ZNF554: variants seen among roughly 807,000 people sequenced by gnomAD.
The protein encoded by ZNF554 is zinc finger protein 554.
In ZNF554, 15 loss-of-function variants were observed where a neutral mutation model predicts 21.2. The ratio of observed to expected loss-of-function variants is 0.71; its 90% CI spans 0.47 to 1.09. The LOEUF (loss-of-function observed/expected upper bound fraction) is 1.09, where lower values mean the gene tolerates loss of function less well. ZNF554 is among the 50% of genes least tolerant of loss of function. The probability of loss-of-function intolerance (pLI) is 0.00; values close to 1 mark genes in which losing one functional copy is unlikely to be tolerated. For synonymous variants in ZNF554, 258 were observed against 251.4 expected (o/e 1.03, Z -0.25); for missense variants, 691 against 662.7 (o/e 1.04, Z -0.47).
In ZNF554 at chr19:2,825,804, G is replaced by A. The variant is rs78343127; in HGVS notation, c.127-1813G>A. Among the ~76,000 whole-genome samples, 854 of 152,222 alleles carry A rather than the reference G, an allele frequency of 5.6e-3. 6 individuals carry two copies. The highest frequency in any genetic ancestry group is 0.017 in the African/African-American group (687 of 41,534). ...GCATAAGACAGGGGTGGACTGAAGC[G>A]AGTCCATACAGGGCCCTTAAGGCTG... On this transcript the variant is annotated intron_variant, in intron 2 of 4. Coordinates refer to ENST00000317243, the MANE Select transcript of ZNF554 (RefSeq NM_001102651.2).
rs1454873957 is a variant in ZNF554, at chr19:2,821,936, T to G, written c.54-1104T>G. Among the ~76,000 whole-genome samples the G allele has an allele frequency of 6.6e-6, 1 of 152,146 alleles. No homozygotes were observed. The highest frequency in any genetic ancestry group is 2.4e-5 in the African/African-American group (1 of 41,424). On this transcript the variant is annotated intron_variant, in intron 1 of 4. Transcript: ENST00000317243. This position sits in a 1 kb window ranked among gnomAD's most constrained non-coding sequence, Gnocchi z 8.2. Reference sequence around the variant, plus strand: ...CCTTGGCCTTTCAAAATGCTGGGATTACAGACGTGAGTCACCTAGTCCAGC... The same window carrying G: ...CCTTGGCCTTTCAAAATGCTGGGATGACAGACGTGAGTCACCTAGTCCAGC...
In ZNF554 at chr19:2,832,502, T is replaced by A. The variant is rs1369431709; in HGVS notation, c.445+8T>A. 6.3e-7 allele frequency: 1 copy of A among 1,588,190 alleles called. No individual in the cohort carries two copies. Among genetic ancestry groups the A allele is most frequent in the Admixed American group, 1.9e-5 (1 of 53,308 alleles). ...CTCAAGCCTCCTGTTCAGGTGAGAA[T>A]CAGGCAGATAGAAACCATTGGGATG... On this transcript the variant is annotated splice_region_variant and intron_variant, in intron 4 of 4. Transcript: ENST00000317243.
At chr19:2,820,684 C>CTTTTTTTTCTTT (rs2087250572) in intron 1 of ZNF554, among the ~76,000 whole-genome samples, 1 of 103,192 alleles carries the variant, frequency 9.7e-6, no homozygotes, top group African/African-American at 3.8e-5. Context: ...AGCAAGGGTC[C>CTTTTTTTTCTTT]TTTTTTTTTT....
intron 3 of ZNF554, 89 bp downstream of exon 3, chr19:2,827,832 C>T (rs1332314873): frequency 2.6e-6 from 4 of 1,511,112 alleles, no homozygotes; most frequent in Admixed American, 2.0e-5. Context: ...AAAGAAATAC[C>T]CAAGACTGGG....
rs1425236467 is a variant in ZNF554 at position 2,834,565 on chromosome 19, G to A, written c.1330G>A (p.Ala444Thr). The change falls in exon 5 of 5, where the codon GCC becomes ACC. Residue 444 changes from alanine (A) to threonine (T), a missense_variant. Ala to Thr is a moderately conservative substitution (Grantham distance 58). Transcript: ENST00000317243. ...CTACGAATGCAGTGAATGTGGAAAG[G>A]CCTTCAGTGACCGTTCCTCTCTCAA... The part of the protein sequence containing the change: ...KPYECSECGK[A>T]FSDRSSLNQH... 5 of 1,614,112 alleles carry A rather than the reference G, an allele frequency of 3.1e-6. No individual in the cohort carries two copies. In the South Asian group the frequency reaches 5.5e-5, roughly 18 times the overall value.
At chr19:2,820,685 T>TG (rs1446596398) in intron 1 of ZNF554, among the ~76,000 whole-genome samples, 2 of 100,774 alleles carry the variant, frequency 2.0e-5, no homozygotes, top group Non-Finnish European at 3.8e-5. Flanking sequence ...GCAAGGGTCC[T>TG]TTTTTTTTTT....
chr19:2,822,604 G>A (rs2087278234), intron 1 of ZNF554, among the ~76,000 whole-genome samples: 1 of 152,136 alleles, frequency 6.6e-6, no homozygotes, highest in Non-Finnish European at 1.5e-5. Flanking sequence ...CCATGGATGT[G>A]TGTGGCGTCT....
intron 3 of ZNF554, among the ~76,000 whole-genome samples, chr19:2,829,127 G>C (rs1277502031): frequency 6.6e-6 from 1 of 152,162 alleles, no homozygotes; most frequent in Non-Finnish European, 1.5e-5. Flanking sequence ...AGGAGGCCAA[G>C]GTGGGTGGAT....
At position 2,834,558 on chromosome 19, in the gene ZNF554, T is replaced by C; in HGVS notation, c.1323T>C (p.Cys441=). The C allele has an allele frequency of 6.2e-7, 1 of 1,614,140 alleles. No homozygotes were observed. The highest frequency in any genetic ancestry group is 1.7e-5 in the Admixed American group (1 of 60,010). ...AGAAGCCCTACGAATGCAGTGAATG[T>C]GGAAAGGCCTTCAGTGACCGTTCCT... is the stretch of plus-strand genomic sequence containing the variant. ...TGEKPYECSE[C]GKAFSDRSSL... Residue 441 remains cysteine (C), a synonymous_variant, in exon 5 of 5, where the codon TGT becomes TGC. Transcript: ENST00000317243.
rs193262022 is a variant in ZNF554 at position 2,835,155 on chromosome 19, C to T, written c.*303C>T. On this transcript the variant is annotated 3_prime_UTR_variant, in exon 5 of 5. Coordinates refer to ENST00000317243, the MANE Select transcript of ZNF554 (RefSeq NM_001102651.2). ...CTAGTACTATAGGTGTGCACCACCA[C>T]GCCCAGCAAATTTTTAAATTTATTA... 72 of 262,202 alleles carry T rather than the reference C, an allele frequency of 2.7e-4. No individual in the cohort carries two copies. The highest frequency in any genetic ancestry group is 1.2e-3 in the African/African-American group (53 of 45,634). 16.2% of individuals were successfully genotyped at this position (262,202 alleles called of 1,614,324 possible).
Position 2,832,314 on chromosome 19 carries a change from A to C in ZNF554, c.265A>C (p.Asn89His). ...CTTGTCTTTTTCAGAAGCCTTGAAGAACCAATGTACTGATGTGGGGATTAA... is the reference window on the plus strand; with the variant it reads ...CTTGTCTTTTTCAGAAGCCTTGAAGCACCAATGTACTGATGTGGGGATTAA... ...RNVVSLEALK[N>H]QCTDVGIKEG... The change falls in exon 4 of 5, where the codon AAC (asparagine) becomes CAC (histidine). Residue 89 changes from asparagine to histidine, a missense_variant. Transcript: ENST00000317243. 2 of 1,584,424 alleles carry C rather than the reference A, an allele frequency of 1.3e-6. No homozygotes were observed. The highest frequency in any genetic ancestry group is 1.7e-6 in the Non-Finnish European group (2 of 1,170,854).
At chr19:2,825,247 C>T (rs1189249840) in intron 2 of ZNF554, among the ~76,000 whole-genome samples, 3 of 151,936 alleles carry the variant, frequency 2.0e-5, no homozygotes, top group Admixed American at 6.6e-5. Flanking sequence ...CTCCTGGGTT[C>T]AGGTGATCCA....
chr19:2,833,903 G>A lies in ZNF554; in HGVS notation c.668G>A (p.Gly223Glu), dbSNP rs368745721. The part of the protein sequence containing the change: ...QEKATAWHGF[G>E]ENGNLSPALV... ...AAGGCTACTGCATGGCATGGATTTG[G>A]GGAAAATGGTAATCTGAGCCCAGCC... Residue 223 changes from glycine (G) to glutamate (E), a missense_variant, in exon 5 of 5, where the codon GGG becomes GAG. Coordinates refer to ENST00000317243, the MANE Select transcript of ZNF554 (RefSeq NM_001102651.2). 1.7e-5 allele frequency: 27 copies of A among 1,613,888 alleles called. No homozygotes were observed. Among genetic ancestry groups the A allele is most frequent in the African/African-American group, 5.3e-5 (4 of 74,944 alleles).
chr19:2,820,396 CTAAAGGCAGAG>C (rs1015216899), intron 1 of ZNF554, among the ~76,000 whole-genome samples: 40 of 152,236 alleles, frequency 2.6e-4, no homozygotes, highest in African/African-American at 9.4e-4. Context: ...TGACTCTACC[CTAAAGGCAGAG>C]AGGGGCTGCC....
chr19:2,825,968 T>A (rs1167223459), intron 2 of ZNF554, among the ~76,000 whole-genome samples: 1 of 152,040 alleles, frequency 6.6e-6, no homozygotes, highest in African/African-American at 2.4e-5. Context: ...TGGCGTGATC[T>A]TGGTTCACTG....
rs565218169 is a variant in ZNF554 at position 2,821,050 on chromosome 19, C to A, written c.53+926C>A. ...TCTGCTGCTCTAGCAACCCCAACCT[C>A]CCTGAACTCTCCCCTACCCAAACAG... On this transcript the variant is annotated intron_variant, in intron 1 of 4. Transcript: ENST00000317243. This position sits in a 1 kb window ranked among gnomAD's most constrained non-coding sequence, Gnocchi z 8.2. 7.9e-5 allele frequency among the ~76,000 whole-genome samples: 12 copies of A among 151,824 alleles called. No homozygotes were observed. Among genetic ancestry groups the A allele is most frequent in the African/African-American group, 2.9e-4 (12 of 41,186 alleles).
chr19:2,834,098 T>TTATTCAACACGGGG lies in ZNF554; in HGVS notation c.864_877dup (p.Gly293ValfsTer18). Reference sequence around the variant, plus strand: ...AATGCCATCCGCCAGAACAGTCACTTTATTCAACACGGGGGGAAGATGTTT... The same window carrying TTATTCAACACGGGG: ...AATGCCATCCGCCAGAACAGTCACTTTATTCAACACGGGGTATTCAACACGGGGGGAAGATGTTT... On this transcript the variant is annotated frameshift_variant, in exon 5 of 5. Transcript: ENST00000317243. LOFTEE classifies it low-confidence loss of function (END_TRUNC). 1 of 1,614,094 alleles carries TTATTCAACACGGGG rather than the reference T, an allele frequency of 6.2e-7. No individual in the cohort carries two copies. The highest frequency in any genetic ancestry group is 8.5e-7 in the Non-Finnish European group (1 of 1,180,038).
chr19:2,831,819 A>G (rs1072298), intron 3 of ZNF554: 64,991 of 151,774 alleles, frequency 0.43, 14,212 homozygotes, highest in South Asian at 0.55. Flanking sequence ...GGGTCTTGTC[A>G]TGTTGCTCAG....
chr19:2,820,041 G>T lies in ZNF554; in HGVS notation c.-31G>T. 1 of 1,202,508 alleles carries T rather than the reference G, an allele frequency of 8.3e-7. No homozygotes were observed. 74.5% of individuals were successfully genotyped at this position (1,202,508 alleles called of 1,614,324 possible). Reference sequence around the variant, plus strand: ...CTGCACGGGGCGCTCCCGCCTCGGGGGCCCTGTCTGGCGCCTCAGCGCGCG... The same window carrying T: ...CTGCACGGGGCGCTCCCGCCTCGGGTGCCCTGTCTGGCGCCTCAGCGCGCG... On this transcript the variant is annotated 5_prime_UTR_variant, in exon 1 of 5. Transcript: ENST00000317243.
Sources: allele counts gnomAD v4.1 joint callset (sites outside exome capture counted in the v4.1 genomes callset), GRCh38; gene constraint gnomAD v4.1.1; non-coding constraint Gnocchi (gnomAD v3.1); transcripts MANE v1.5; gene names NCBI Gene and HGNC (gene_info 2026-07-23, HGNC 2026-07-21).